LZTFL1: variants seen among roughly 807,000 people sequenced by gnomAD.
The protein encoded by LZTFL1 is leucine zipper transcription factor-like protein 1.
In LZTFL1, 25 loss-of-function variants were observed where a neutral mutation model predicts 45.9. The observed-to-expected ratio is 0.54, with a 90% CI of 0.40 to 0.76. The LOEUF (loss-of-function observed/expected upper bound fraction) is 0.76, where lower values mean the gene tolerates loss of function less well. LZTFL1 is among the 30% of genes least tolerant of loss of function. The pLI is 0.00. For missense variants in LZTFL1, 277 were observed against 331.1 expected (o/e 0.84, Z 1.27); for synonymous variants, 93 against 117.4 (o/e 0.79, Z 1.35).
At chr3:45,854,334 G>T in intron 4 of LZTFL1, 1 of 153,140 alleles carries the variant, frequency 6.5e-6, no homozygotes, top group Non-Finnish European at 1.5e-5. Context: ...GGGAGGCCGA[G>T]GCAGGCAGAT....
In LZTFL1 at chr3:45,842,056, G is replaced by C; in HGVS notation, c.-65C>G. ...GCCAGGCGGTGCCCCGCCAAGCCTG[G>C]GATCGCCGAGGGTAGTTGGACCACA... On this transcript the variant is annotated 5_prime_UTR_variant, in exon 1 of 10. Coordinates refer to ENST00000296135, the MANE Select transcript of LZTFL1 (RefSeq NM_020347.4). 1.2e-6 allele frequency: 2 copies of C among 1,600,352 alleles called. No homozygotes were observed. The highest frequency in any genetic ancestry group is 1.7e-6 in the Non-Finnish European group (2 of 1,175,244).
chr3:45,900,727 G>A lies in LZTFL1; in HGVS notation c.-215+12393C>T. 2.8e-6 allele frequency: 4 copies of A among 1,440,984 alleles called. No individual in the cohort carries two copies. Among genetic ancestry groups the A allele is most frequent in the Non-Finnish European group, 3.8e-6 (4 of 1,063,030 alleles). 89.3% of individuals were successfully genotyped at this position (1,440,984 alleles called of 1,614,324 possible). A position where few individuals can be genotyped will look rare whatever the true frequency, so the allele number is the denominator to read the frequency against. On this transcript the variant is annotated intron_variant, in intron 2 of 4. Coordinates refer to the LZTFL1 transcript ENST00000472635. This position sits in a 1 kb window ranked among gnomAD's most constrained non-coding sequence, Gnocchi z 4.7. ...ATCATAGGTGTTTGGGGTTGGAAGG[G>A]TCAAGAGGTCCATGCCTCTGCCATC...
intron 2 of LZTFL1, among the ~76,000 whole-genome samples, chr3:45,880,471 C>T (rs543366424): frequency 2.9e-4 from 44 of 152,230 alleles, no homozygotes; most frequent in Non-Finnish European, 3.2e-4. Flanking sequence ...CACTGCACTC[C>T]AGCCTGGGCG....
rs776958147 is a variant in LZTFL1, at chr3:45,827,348, T to C, written c.881+8A>G. On this transcript the variant is annotated splice_region_variant and intron_variant, in intron 9 of 9. Transcript: ENST00000296135. ...GAGAAATCCAAAGGCGGGATCAGTG[T>C]GGCTTACTGTGCCAGTCTTTTCCTC... 1 of 1,581,884 alleles carries C rather than the reference T, an allele frequency of 6.3e-7. No individual in the cohort carries two copies. Among genetic ancestry groups the C allele is most frequent in the Non-Finnish European group, 8.7e-7 (1 of 1,150,802 alleles).
intron 2 of LZTFL1, among the ~76,000 whole-genome samples, chr3:45,885,600 GC>G (rs1701957961): frequency 6.6e-6 from 1 of 152,206 alleles, no homozygotes; most frequent in Admixed American, 6.5e-5. Flanking sequence ...CCTTTCAATA[GC>G]ACTGTTGGCG....
At chr3:45,902,372 C>G (rs200919915) in intron 2 of LZTFL1, 2 of 170,612 alleles carry the variant, frequency 1.2e-5, no homozygotes, top group Admixed American at 6.3e-5. Flanking sequence ...TGCTCTTGAG[C>G]CTGATAACCC....
intron 2 of LZTFL1, among the ~76,000 whole-genome samples, chr3:45,889,444 T>C (rs1243579802): frequency 6.6e-6 from 1 of 152,078 alleles, no homozygotes; most frequent in African/African-American, 2.4e-5. Context: ...TCTAGATGAG[T>C]TTTGTAAACA....
rs569723386 is a variant in LZTFL1, at chr3:45,859,795, C to T, written c.-214-779G>A. 2.0e-5 allele frequency among the ~76,000 whole-genome samples: 3 copies of T among 152,162 alleles called. No individual in the cohort carries two copies. The South Asian group carries it at 6.2e-4, about 32-fold the overall frequency. On this transcript the variant is annotated intron_variant, in intron 2 of 4. Transcript: ENST00000472635. Reference sequence around the variant, plus strand: ...GGGATTACAGGCTCCCACCACCACACCCGGCTAATTTTTATATTTTTAGTA... The same window carrying T: ...GGGATTACAGGCTCCCACCACCACATCCGGCTAATTTTTATATTTTTAGTA...
chr3:45,865,193 G>C (rs1365022458), intron 2 of LZTFL1, among the ~76,000 whole-genome samples: 3 of 152,200 alleles, frequency 2.0e-5, no homozygotes, highest in Non-Finnish European at 2.9e-5. Context: ...GGAGAAGAAG[G>C]AGCTTCTCTA....
At chr3:45,880,239 C>T (rs1045952182) in intron 2 of LZTFL1, among the ~76,000 whole-genome samples, 1 of 152,208 alleles carries the variant, frequency 6.6e-6, no homozygotes, top group Non-Finnish European at 1.5e-5. Flanking sequence ...CGAGGTAGCT[C>T]AGGCCTGCAA....
intron 2 of LZTFL1, among the ~76,000 whole-genome samples, chr3:45,866,607 C>T (rs1275440525): frequency 6.6e-6 from 1 of 152,194 alleles, no homozygotes; most frequent in African/African-American, 2.4e-5. Context: ...ATAATGAGGG[C>T]TTTTTCATGT....
intron 2 of LZTFL1, among the ~76,000 whole-genome samples, chr3:45,862,678 G>A (rs1174367201): frequency 6.6e-6 from 1 of 152,204 alleles, no homozygotes; most frequent in African/African-American, 2.4e-5. Flanking sequence ...GAAAGTAATG[G>A]CTTTGGAGGC....
chr3:45,835,734 C>A lies in LZTFL1; in HGVS notation c.179G>T (p.Gly60Val). 1 of 1,614,128 alleles carries A rather than the reference C, an allele frequency of 6.2e-7. No individual in the cohort carries two copies. The highest frequency in any genetic ancestry group is 8.5e-7 in the Non-Finnish European group (1 of 1,179,990). Residue 60 changes from glycine (G) to valine (V), a missense_variant, in exon 3 of 10, where the codon GGA becomes GTA. Transcript: ENST00000296135. ...CTCACTATGAACCACAGCTTGTAAT[C>A]CATTGAGGACTTCAGAGACTTCATC... ...TIDEVSEVLN[G>V]LQAVVHSEVE...
At chr3:45,879,474 TA>T (rs1214949962) in intron 2 of LZTFL1, among the ~76,000 whole-genome samples, 1 of 151,978 alleles carries the variant, frequency 6.6e-6, no homozygotes, top group Non-Finnish European at 1.5e-5. Flanking sequence ...CTGGAGACAG[TA>T]AAAAGGTCAG....
At chr3:45,888,260 T>A (rs534473530) in intron 2 of LZTFL1, among the ~76,000 whole-genome samples, 47 of 152,320 alleles carry the variant, frequency 3.1e-4, no homozygotes, top group African/African-American at 1.1e-3. Context: ...TGGAGCAATG[T>A]TCCCTCCCCT....
chr3:45,826,022 G>A lies in LZTFL1; in HGVS notation c.*292C>T. The A allele has an allele frequency of 1.1e-5, 4 of 353,008 alleles. No homozygotes were observed. Among genetic ancestry groups the A allele is most frequent in the Non-Finnish European group, 1.5e-5 (3 of 196,528 alleles). 21.9% of individuals were successfully genotyped at this position (353,008 alleles called of 1,614,324 possible). ...TCTTTATACTAATGCAGAAGGATAA[G>A]CCTCTTCTTCCCACTCTAAAAATCT... On this transcript the variant is annotated 3_prime_UTR_variant, in exon 10 of 10. Coordinates refer to ENST00000296135, the MANE Select transcript of LZTFL1 (RefSeq NM_020347.4).
chr3:45,914,490 C>T (rs549989620), intron 1 of LZTFL1, among the ~76,000 whole-genome samples: 3 of 152,126 alleles, frequency 2.0e-5, no homozygotes, highest in Admixed American at 1.3e-4. Context: ...TGCAGGTTGG[C>T]CTTGAACTCC....
chr3:45,869,847 A>C (rs533634914), intron 2 of LZTFL1, among the ~76,000 whole-genome samples: 1 of 152,394 alleles, frequency 6.6e-6, no homozygotes, highest in Admixed American at 6.5e-5. Flanking sequence ...TGATGTCATC[A>C]TCAATCCTCT....
chr3:45,874,123 C>G (rs1449107542), intron 2 of LZTFL1, among the ~76,000 whole-genome samples: 4 of 152,182 alleles, frequency 2.6e-5, no homozygotes, highest in Non-Finnish European at 2.9e-5. Context: ...TGCTGTTAAT[C>G]TCTCCCATCT....
Sources: allele counts gnomAD v4.1 joint callset (sites outside exome capture counted in the v4.1 genomes callset), GRCh38; gene constraint gnomAD v4.1.1; non-coding constraint Gnocchi (gnomAD v3.1); transcripts MANE v1.5; gene names NCBI Gene and HGNC (gene_info 2026-07-23, HGNC 2026-07-21).